COL6A3: variants seen among roughly 807,000 people sequenced by gnomAD.
COL6A3 encodes the protein collagen type VI alpha 3 chain.
A neutral mutation model predicts 274.1 loss-of-function variants in COL6A3; 137 were observed. The observed-to-expected ratio is 0.50, with a 90% CI of 0.44 to 0.58. COL6A3 has a LOEUF of 0.58. Among genes scored for constraint, COL6A3 ranks in the 20% least tolerant of loss-of-function variants. The pLI is 0.00. For missense variants in COL6A3, 3,950 were observed against 4,124.9 expected (o/e 0.96, Z 1.16); for synonymous variants, 1,650 against 1,650.6 (o/e 1.00, Z 0.01).
chr2:237,386,017 A>T (rs753826515), intron 4 of COL6A3, among the ~76,000 whole-genome samples: 137 of 152,200 alleles, frequency 9.0e-4, no homozygotes, highest in Non-Finnish European at 1.4e-3. Flanking sequence ...CAACACTCAC[A>T]TATACTTTTC....
intron 1 of COL6A3, among the ~76,000 whole-genome samples, chr2:237,399,645 TAAAGA>T (rs1278736553): frequency 1.3e-5 from 2 of 152,208 alleles, no homozygotes. Context: ...AAAAATAAAG[TAAAGA>T]AACCTGCTGT....
At chr2:237,329,548 C>T (rs1473235832) in intron 42 of COL6A3, 3 of 152,176 alleles carry the variant, frequency 2.0e-5, no homozygotes, top group African/African-American at 4.8e-5. Context: ...AGGACCATTT[C>T]CTAAATCCCT....
rs1028466967 is a variant in COL6A3 at position 237,351,299 on chromosome 2, C to T, written c.6754-107G>A. ...CATGGAAGTCAGAGCCCGCCAGGGG[C>T]ATGGAACCTGTCCCACCTGCAAATC... is the stretch of plus-strand genomic sequence containing the variant. On this transcript the variant is annotated intron_variant, in intron 26 of 43. Coordinates refer to ENST00000295550, the MANE Select transcript of COL6A3 (RefSeq NM_004369.4). 4 of 1,035,124 alleles carry T rather than the reference C, an allele frequency of 3.9e-6. No individual in the cohort carries two copies. In the South Asian group the frequency reaches 3.9e-5, roughly 10 times the overall value. 64.1% of individuals were successfully genotyped at this position (1,035,124 alleles called of 1,614,324 possible). A position where few individuals can be genotyped will look rare whatever the true frequency, so the allele number is the denominator to read the frequency against.
At position 237,368,559 on chromosome 2, in the gene COL6A3, A is replaced by C. The variant is rs764995736; in HGVS notation, c.4900+4T>G. Reference sequence around the variant, plus strand: ...TCTGTAGTCATGGGTCACACGGTGCATACCTGGCCGTGAAGGAGGAGGGGT... The same window carrying C: ...TCTGTAGTCATGGGTCACACGGTGCCTACCTGGCCGTGAAGGAGGAGGGGT... On this transcript the variant is annotated splice_donor_region_variant and intron_variant, in intron 10 of 43. Coordinates refer to ENST00000295550, the MANE Select transcript of COL6A3 (RefSeq NM_004369.4). The surrounding 1 kb of genome is among the most constrained non-coding windows in gnomAD (Gnocchi z 4.4). The C allele has an allele frequency of 1.9e-6, 3 of 1,614,156 alleles. No homozygotes were observed. Among genetic ancestry groups the C allele is most frequent in the Non-Finnish European group, 1.7e-6 (2 of 1,179,994 alleles).
At chr2:237,393,668 A>T (rs145949128) in intron 3 of COL6A3, among the ~76,000 whole-genome samples, 163 of 152,262 alleles carry the variant, frequency 1.1e-3, no homozygotes, top group African/African-American at 3.8e-3. Flanking sequence ...TGCTCTGCCC[A>T]TCGCTGATGA....
chr2:237,377,866 T>C (rs904883070), intron 6 of COL6A3, among the ~76,000 whole-genome samples: 1 of 152,210 alleles, frequency 6.6e-6, no homozygotes, highest in African/African-American at 2.4e-5. Context: ...AGACCCACAA[T>C]AGTGCCCATT....
At chr2:237,380,128 G>C (rs1431866406) in intron 5 of COL6A3, among the ~76,000 whole-genome samples, 1 of 152,046 alleles carries the variant, frequency 6.6e-6, no homozygotes, top group African/African-American at 2.4e-5. Context: ...TTTTAAAAGA[G>C]AGAGAAAGAG....
In COL6A3 at chr2:237,394,884, C is replaced by A. The variant is rs1421289097; in HGVS notation, c.412G>T (p.Ala138Ser). The part of the protein sequence containing the change: ...SHLTKAAGSR[A>S]GDGVPQVIVV... The stretch of plus-strand genomic sequence containing the variant: ...ATAACCTGAGGGACTCCGTCACCGG[C>A]CCGGCTTCCAGCAGCCTTGGTGAGG... Residue 138 changes from alanine to serine, a missense_variant, in exon 3 of 44, where the codon GCC becomes TCC. Ala to Ser is a moderately conservative substitution (Grantham distance 99). Transcript: ENST00000295550. 6.2e-7 allele frequency: 1 copy of A among 1,611,670 alleles called. No individual in the cohort carries two copies. The highest frequency in any genetic ancestry group is 8.5e-7 in the Non-Finnish European group (1 of 1,177,938).
At chr2:237,377,474 A>G in intron 6 of COL6A3, 130 bp from the exon 7 acceptor site, 1 of 868,426 alleles carries the variant, frequency 1.2e-6, no homozygotes, top group South Asian at 1.4e-5. Context: ...CCAGCAAGAG[A>G]AGAGAAAACC....
intron 42 of COL6A3, among the ~76,000 whole-genome samples, chr2:237,332,205 C>A (rs1322947400): frequency 6.8e-6 from 1 of 147,630 alleles, no homozygotes; most frequent in Non-Finnish European, 1.5e-5. Context: ...ACAATCTTGT[C>A]CCTTTTGGAC....
Position 237,359,396 on chromosome 2 carries a change from G to T in COL6A3, c.6283-8C>A, listed in dbSNP as rs758511747. 5.0e-6 allele frequency: 8 copies of T among 1,613,704 alleles called. No homozygotes were observed. Among genetic ancestry groups the T allele is most frequent in the Non-Finnish European group, 6.8e-6 (8 of 1,179,898 alleles). ...TGGGAATCCCCGAGAGCCCTAGAAG[G>T]CAAGGCGATAGGGGAAGCATTAGCT... On this transcript the variant is annotated splice_polypyrimidine_tract_variant and splice_region_variant and intron_variant, in intron 17 of 43. Transcript: ENST00000295550.
chr2:237,328,254 A>G (rs549860044), intron 42 of COL6A3: 1 of 152,364 alleles, frequency 6.6e-6, no homozygotes, highest in Non-Finnish European at 1.5e-5. Flanking sequence ...GCTTCAGGAA[A>G]GTAACCAAAT....
chr2:237,385,129 G>A (rs1260984764), intron 4 of COL6A3, among the ~76,000 whole-genome samples: 3 of 152,082 alleles, frequency 2.0e-5, no homozygotes, highest in African/African-American at 7.2e-5. Flanking sequence ...CCTGTTGAAT[G>A]CCCCAATGCA....
intron 38 of COL6A3, among the ~76,000 whole-genome samples, chr2:237,339,899 C>T (rs577373163): frequency 9.9e-5 from 15 of 152,266 alleles, no homozygotes; most frequent in African/African-American, 1.9e-4. Flanking sequence ...GCAGCTTCCA[C>T]GGCGAGCAGA....
chr2:237,344,370 G>C lies in COL6A3; in HGVS notation c.7648C>G (p.Gln2550Glu). ...PLFLTRQEDR[Q>E]LINALQINNT... ...CAGACCTGCAAAGCGTTGATGAGCT[G>C]CCGGTCTTCCTGCCTTGTAAGGAAC... The change falls in exon 36 of 44, where the codon CAG becomes GAG. Residue 2550 changes from glutamine to glutamate, a missense_variant. By Grantham distance (29) the Gln-to-Glu change is conservative (BLOSUM62 2). Coordinates refer to ENST00000295550, the MANE Select transcript of COL6A3 (RefSeq NM_004369.4). This position sits in a 1 kb window ranked among gnomAD's most constrained non-coding sequence, Gnocchi z 4.8. 6.2e-7 allele frequency: 1 copy of C among 1,614,198 alleles called. No individual in the cohort carries two copies. The highest frequency in any genetic ancestry group is 8.5e-7 in the Non-Finnish European group (1 of 1,180,038).
chr2:237,397,211 T>G (rs1171688647), intron 1 of COL6A3, among the ~76,000 whole-genome samples: 18 of 81,068 alleles, frequency 2.2e-4, no homozygotes, highest in Admixed American at 6.8e-4. Context: ...AAGGAAGAAG[T>G]GAAAGAAGGG....
In COL6A3 at chr2:237,395,193, C is replaced by G; in HGVS notation, c.103G>C (p.Gly35Arg). Reference protein sequence around the residue: ...AQQQQADVKNGAAADIIFLVD... With the variant: ...AQQQQADVKNRAAADIIFLVD... ...AGAAATATTATATCAGCAGCCGCACCATTTTTGACATCTTTAAAAAAAGAC... is the reference window on the plus strand; with the variant it reads ...AGAAATATTATATCAGCAGCCGCACGATTTTTGACATCTTTAAAAAAAGAC... Residue 35 changes from glycine to arginine, a missense_variant, in exon 3 of 44, where the codon GGT becomes CGT. Gly to Arg is a moderately radical substitution (Grantham distance 125, BLOSUM62 -2). This residue lies in a region of COL6A3 where 1,934 missense variants were observed against 1,984.3 expected (regional missense o/e 0.97). Coordinates refer to ENST00000295550, the MANE Select transcript of COL6A3 (RefSeq NM_004369.4). The G allele has an allele frequency of 6.2e-7, 1 of 1,613,214 alleles. No homozygotes were observed. The highest frequency in any genetic ancestry group is 1.1e-5 in the South Asian group (1 of 91,052).
intron 1 of COL6A3, among the ~76,000 whole-genome samples, chr2:237,406,602 A>C (rs2078725628): frequency 6.6e-6 from 1 of 151,312 alleles, no homozygotes; most frequent in African/African-American, 2.4e-5. Flanking sequence ...CCTAGACTGC[A>C]AGAAGGAGCG....
At position 237,368,793 on chromosome 2, in the gene COL6A3, G is replaced by A. The variant is rs759939047; in HGVS notation, c.4670C>T (p.Ser1557Phe). Residue 1557 changes from serine to phenylalanine, a missense_variant, in exon 10 of 44, where the codon TCC becomes TTC. Ser to Phe is a radical substitution (Grantham distance 155). Around this residue, in one of 5 missense-constraint regions of COL6A3, gnomAD observed 632 missense variants for 623.4 expected, o/e 1.01. Coordinates refer to ENST00000295550, the MANE Select transcript of COL6A3 (RefSeq NM_004369.4). This position sits in a 1 kb window ranked among gnomAD's most constrained non-coding sequence, Gnocchi z 4.4. ...GGAACGGATCACCTGGGCGAACCTG[G>A]ACACATCGTCCTGGGATTTTCCACC... ...VLGGKSQDDVSRFAQVIRSSG... is the reference protein window; with the variant it reads ...VLGGKSQDDVFRFAQVIRSSG... 4 of 1,614,210 alleles carry A rather than the reference G, an allele frequency of 2.5e-6. No individual in the cohort carries two copies. The highest frequency in any genetic ancestry group is 1.1e-5 in the South Asian group (1 of 91,086).
Sources: allele counts gnomAD v4.1 joint callset (sites outside exome capture counted in the v4.1 genomes callset), GRCh38; gene constraint gnomAD v4.1.1; regional missense constraint gnomAD v4.1.1; non-coding constraint Gnocchi (gnomAD v3.1); transcripts MANE v1.5; gene names NCBI Gene and HGNC (gene_info 2026-07-23, HGNC 2026-07-21).